Variants in POU3F3 observed in about 807,000 individuals in gnomAD.
POU3F3 encodes the protein POU domain, class 3, transcription factor 3.
A neutral mutation model predicts 8.6 loss-of-function variants in POU3F3; 1 was observed. That is an observed-to-expected ratio of 0.12 (90% CI 0.04 to 0.55). The LOEUF (loss-of-function observed/expected upper bound fraction) is 0.55. Ranked by LOEUF, POU3F3 falls within the 20% of genes least tolerant of loss-of-function variation. The pLI, the probability that POU3F3 is intolerant of heterozygous loss-of-function variation, is 0.91. For synonymous variants in POU3F3, 418 were observed against 327.4 expected, an observed-to-expected ratio of 1.28 and a Z score of -2.99; for missense variants, 577 against 690.7, an observed-to-expected ratio of 0.84 and a Z score of 1.84.
At chr2:104,873,925 C>T in the POU3F3 span, among the ~76,000 whole-genome samples, 1 of 152,202 alleles carries the variant, frequency 6.6e-6, no homozygotes, top group Non-Finnish European at 1.5e-5. Flanking sequence ...CGTTTTGCGC[C>T]TGTCTTAATA....
At chr2:104,913,723 C>T in the POU3F3 span, among the ~76,000 whole-genome samples, 1 of 152,208 alleles carries the variant, frequency 6.6e-6, no homozygotes, top group African/African-American at 2.4e-5. Context: ...GTATAACACA[C>T]ATACAGAAAA....
At chr2:104,907,934 T>A in the POU3F3 span, among the ~76,000 whole-genome samples, 1 of 152,266 alleles carries the variant, frequency 6.6e-6, no homozygotes, top group African/African-American at 2.4e-5. Context: ...TGTGAGAGTG[T>A]GTGTGTATGT....
chr2:104,872,976 T>G, the POU3F3 span, among the ~76,000 whole-genome samples: 1 of 152,152 alleles, frequency 6.6e-6, no homozygotes, highest in Non-Finnish European at 1.5e-5. The surrounding 1 kb of genome is among the most constrained non-coding windows in gnomAD (Gnocchi z 4.6). Flanking sequence ...TCTGACGCCC[T>G]AGGGTCCCCA....
the POU3F3 span, among the ~76,000 whole-genome samples, chr2:104,894,152 G>A: frequency 1.3e-5 from 2 of 152,304 alleles, no homozygotes; most frequent in African/African-American, 4.8e-5. Flanking sequence ...GTCCAGTGGG[G>A]TTTTGTGAAA....
At chr2:104,889,905 G>C in the POU3F3 span, among the ~76,000 whole-genome samples, 1 of 152,050 alleles carries the variant, frequency 6.6e-6, no homozygotes, top group Non-Finnish European at 1.5e-5. Context: ...ATCTTTTCTT[G>C]TAAGTTTTTT....
In POU3F3 at chr2:104,856,379, G is replaced by A. The variant is rs915779061; in HGVS notation, c.869G>A (p.Gly290Glu). 1.3e-6 allele frequency: 2 copies of A among 1,551,100 alleles called. No homozygotes were observed. The highest frequency in any genetic ancestry group is 1.7e-6 in the Non-Finnish European group (2 of 1,151,242). ...PHPPHPHHAQ[G>E]PPHHGGGGGG... Reference sequence around the variant, plus strand: ...CCGCCGCACCCGCACCACGCGCAGGGACCCCCGCACCACGGCGGCGGCGGC... The same window carrying A: ...CCGCCGCACCCGCACCACGCGCAGGAACCCCCGCACCACGGCGGCGGCGGC... Residue 290 changes from glycine to glutamate, a missense_variant, in exon 1 of 1, where the codon GGA (glycine) becomes GAA (glutamate). Around this residue, in one of 7 missense-constraint regions of POU3F3, gnomAD observed 484 missense variants for 422.6 expected, o/e 1.15. Coordinates refer to ENST00000361360, the MANE Select transcript of POU3F3 (RefSeq NM_006236.3).
Position 104,856,105 on chromosome 2 carries a change from G to A in POU3F3, c.595G>A (p.Ala199Thr). The A allele has an allele frequency of 9.2e-7, 1 of 1,085,642 alleles. No individual in the cohort carries two copies. Among genetic ancestry groups the A allele is most frequent in the Non-Finnish European group, 1.1e-6 (1 of 901,158 alleles). 67.3% of individuals were successfully genotyped at this position (1,085,642 alleles called of 1,614,324 possible). A position where few individuals can be genotyped will look rare whatever the true frequency, so the allele number is the denominator to read the frequency against. ...CGCCGCTGCCGCAGCCGCAGCCGCC[G>A]CCGCCGCCGCCGCCGCGCACCTCCC... ...AAAAAAAAAA[A>T]AAAAAHLPSM... The change falls in exon 1 of 1, where the codon GCC becomes ACC. Residue 199 changes from alanine to threonine, a missense_variant. Ala to Thr is a moderately conservative substitution (Grantham distance 58, BLOSUM62 0). Coordinates refer to ENST00000361360, the MANE Select transcript of POU3F3 (RefSeq NM_006236.3).
chr2:104,914,293 T>C, the POU3F3 span, among the ~76,000 whole-genome samples: 1 of 152,214 alleles, frequency 6.6e-6, no homozygotes, highest in Non-Finnish European at 1.5e-5. Context: ...AGAGGACTAG[T>C]TGTTGATGTA....
At chr2:104,893,803 A>C in the POU3F3 span, among the ~76,000 whole-genome samples, 7 of 151,470 alleles carry the variant, frequency 4.6e-5, no homozygotes, top group African/African-American at 1.7e-4. Context: ...GAATTGCTTG[A>C]ACCCTGGAGG....
the POU3F3 span, among the ~76,000 whole-genome samples, chr2:104,873,116 G>A: frequency 6.6e-6 from 1 of 152,172 alleles, no homozygotes; most frequent in African/African-American, 2.4e-5. Context: ...TCCTTGGAGC[G>A]GCTAAAACCG....
chr2:104,881,121 A>ACTTACTTTCTTTCTTTCTTT, the POU3F3 span, among the ~76,000 whole-genome samples: 1 of 142,064 alleles, frequency 7.0e-6, no homozygotes, highest in Non-Finnish European at 1.5e-5. Context: ...TTTATTTCTT[A>ACTTACTTTCTTTCTTTCTTT]CTTTCTTTCT....
At position 104,855,848 on chromosome 2, in the gene POU3F3, C is replaced by A; in HGVS notation, c.338C>A (p.Ala113Asp). The A allele has an allele frequency of 9.1e-7, 1 of 1,094,516 alleles. No individual in the cohort carries two copies. 67.8% of individuals were successfully genotyped at this position (1,094,516 alleles called of 1,614,324 possible). A position where few individuals can be genotyped will look rare whatever the true frequency, so the allele number is the denominator to read the frequency against. Reference sequence around the variant, plus strand: ...GCCGCCGCCGCCGCCGCTGCCGCCGCCGCCGCCGTGGAGGCGAGCTCGCCG... The same window carrying A: ...GCCGCCGCCGCCGCCGCTGCCGCCGACGCCGCCGTGGAGGCGAGCTCGCCG... ...HAAAAAAAAA[A>D]AAVEASSPWS... The change falls in exon 1 of 1, where the codon GCC (alanine) becomes GAC (aspartate). Residue 113 changes from alanine (A) to aspartate (D), a missense_variant. By Grantham distance (126) the Ala-to-Asp change is moderately radical. Around this residue, in one of 7 missense-constraint regions of POU3F3, gnomAD observed 484 missense variants for 422.6 expected, o/e 1.15. Coordinates refer to ENST00000361360, the MANE Select transcript of POU3F3 (RefSeq NM_006236.3).
chr2:104,862,178 C>A (rs1676666956), downstream of POU3F3, among the ~76,000 whole-genome samples: 1 of 152,212 alleles, frequency 6.6e-6, no homozygotes, highest in African/African-American at 2.4e-5. Flanking sequence ...CCTATGATGT[C>A]ACTGCCGGCC....
In POU3F3 at chr2:104,856,203, C is replaced by T. The variant is rs1214463756; in HGVS notation, c.693C>T (p.Asn231=). 13 of 1,265,228 alleles carry T rather than the reference C, an allele frequency of 1.0e-5. No homozygotes were observed. The highest frequency in any genetic ancestry group is 1.2e-5 in the Non-Finnish European group (12 of 1,013,098). The allele number at this position is 1,265,228 out of a possible 1,614,324, so 78.4% of individuals were successfully genotyped here. Residue 231 remains asparagine (N), a synonymous_variant, in exon 1 of 1, where the codon AAC becomes AAT. Coordinates refer to ENST00000361360, the MANE Select transcript of POU3F3 (RefSeq NM_006236.3). The part of the protein sequence containing the change: ...LYSQPGGFTV[N]GMLSAPPGPG... ...CGCAGCCCGGAGGCTTCACGGTGAA[C>T]GGCATGCTGAGCGCGCCACCGGGGC...
At chr2:104,885,151 A>G in the POU3F3 span, among the ~76,000 whole-genome samples, 1 of 152,238 alleles carries the variant, frequency 6.6e-6, no homozygotes, top group Non-Finnish European at 1.5e-5. Flanking sequence ...ACTGAAAAAA[A>G]TGTCTGTCCA....
At chr2:104,883,262 A>G in the POU3F3 span, among the ~76,000 whole-genome samples, 1 of 152,216 alleles carries the variant, frequency 6.6e-6, no homozygotes, top group Non-Finnish European at 1.5e-5. Flanking sequence ...GCAGCACAGC[A>G]TCATGTGTGA....
At chr2:104,911,411 T>A in the POU3F3 span, among the ~76,000 whole-genome samples, 1 of 123,320 alleles carries the variant, frequency 8.1e-6, no homozygotes. Context: ...CGAGACTCCG[T>A]CTCAAAAAAA....
chr2:104,921,796 C>A, the POU3F3 span, among the ~76,000 whole-genome samples: 1 of 152,088 alleles, frequency 6.6e-6, no homozygotes, highest in Non-Finnish European at 1.5e-5. Flanking sequence ...AGGAGTTTGA[C>A]GCCAGCCTGG....
At chr2:104,863,883 G>A in the POU3F3 span, among the ~76,000 whole-genome samples, 3 of 152,240 alleles carry the variant, frequency 2.0e-5, no homozygotes, top group South Asian at 6.2e-4. Flanking sequence ...AGACACCGAG[G>A]TCTAGGCAGC....
Sources: gnomAD v4.1 joint callset for allele counts (sites outside exome capture counted in the v4.1 genomes callset) on GRCh38, gnomAD v4.1.1 for gene constraint, gnomAD v4.1.1 regional missense constraint, Gnocchi (gnomAD v3.1) non-coding constraint, MANE v1.5 for transcripts, NCBI Gene and HGNC (gene_info 2026-07-23, HGNC 2026-07-21) for gene names.